MAN1A1: variants seen among roughly 807,000 people sequenced by gnomAD.
MAN1A1 encodes mannosyl-oligosaccharide 1,2-alpha-mannosidase IA.
A neutral mutation model predicts 70.8 loss-of-function variants in MAN1A1; 29 were observed. The ratio of observed to expected loss-of-function variants is 0.41; its 90% confidence interval spans 0.31 to 0.56. The LOEUF (loss-of-function observed/expected upper bound fraction) is 0.56. MAN1A1 is among the 20% of genes least tolerant of loss of function. The pLI, the probability that MAN1A1 is intolerant of heterozygous loss-of-function variation, is 0.29. For missense variants in MAN1A1, 747 were observed against 841.3 expected (o/e 0.89, Z 1.39); for synonymous variants, 349 against 330.1 (o/e 1.06, Z -0.62).
intron 4 of MAN1A1, among the ~76,000 whole-genome samples, chr6:119,296,620 T>C (rs1645793331): frequency 6.6e-6 from 1 of 152,116 alleles, no homozygotes; most frequent in African/African-American, 2.4e-5. Flanking sequence ...GAAGTCAACA[T>C]ATATCCTCCT....
intron 6 of MAN1A1, among the ~76,000 whole-genome samples, chr6:119,218,858 G>A (rs1005095868): frequency 2.0e-5 from 3 of 151,904 alleles, no homozygotes; most frequent in African/African-American, 7.2e-5. Flanking sequence ...GGAATAACTG[G>A]GTAAATAATT....
chr6:119,214,321 C>A (rs1442940347), intron 6 of MAN1A1, among the ~76,000 whole-genome samples: 1 of 152,058 alleles, frequency 6.6e-6, no homozygotes, highest in Non-Finnish European at 1.5e-5. Flanking sequence ...ATGCTCTGAA[C>A]TTCTGGTAGC....
chr6:119,322,280 T>C (rs919530056), intron 2 of MAN1A1, among the ~76,000 whole-genome samples: 56 of 152,310 alleles, frequency 3.7e-4, no homozygotes, highest in African/African-American at 1.3e-3. Flanking sequence ...TTACTAAGTG[T>C]TGTCATTCTG....
chr6:119,300,799 T>G (rs115284389), intron 4 of MAN1A1, among the ~76,000 whole-genome samples: 7,561 of 152,288 alleles, frequency 0.05, 226 homozygotes, highest in South Asian at 0.11. Flanking sequence ...CTTTATATTC[T>G]AGATTCAATT....
chr6:119,195,085 C>G (rs1461844058), intron 8 of MAN1A1, among the ~76,000 whole-genome samples: 1 of 152,132 alleles, frequency 6.6e-6, no homozygotes, highest in Non-Finnish European at 1.5e-5. Flanking sequence ...CCTGCCTCAG[C>G]CTCCCAAAAG....
At chr6:119,342,845 T>C (rs150410269) in intron 2 of MAN1A1, among the ~76,000 whole-genome samples, 106 of 152,326 alleles carry the variant, frequency 7.0e-4, no homozygotes, top group Non-Finnish European at 1.4e-3. Context: ...CTTCTAGTCA[T>C]CACATGTCCC....
At chr6:119,193,442 G>C (rs945649782) in intron 9 of MAN1A1, among the ~76,000 whole-genome samples, 4 of 152,116 alleles carry the variant, frequency 2.6e-5, no homozygotes, top group Admixed American at 6.5e-5. Flanking sequence ...TTTTAACTTA[G>C]GCAATTGTCA....
At chr6:119,201,161 T>C in intron 8 of MAN1A1, 93 bp downstream of exon 8, 2 of 919,824 alleles carry the variant, frequency 2.2e-6, no homozygotes, top group Non-Finnish European at 3.5e-6. Flanking sequence ...TTCTAAACAT[T>C]TCTCAACAAA....
At position 119,278,753 on chromosome 6, in the gene MAN1A1, T is replaced by C. The variant is rs564502855; in HGVS notation, c.897+11930A>G. 7.2e-5 allele frequency among the ~76,000 whole-genome samples: 11 copies of C among 152,240 alleles called. No individual in the cohort carries two copies. In the South Asian group the frequency reaches 1.5e-3, roughly 20 times the overall value. ...TGGCTTGGTGGCGTTCCCTTGGTGATGAATGAGTTCTTGCTCTGCAAGTTC... is the reference window on the plus strand; with the variant it reads ...TGGCTTGGTGGCGTTCCCTTGGTGACGAATGAGTTCTTGCTCTGCAAGTTC... On this transcript the variant is annotated intron_variant, in intron 5 of 12. Coordinates refer to ENST00000368468, the MANE Select transcript of MAN1A1 (RefSeq NM_005907.4).
intron 11 of MAN1A1, among the ~76,000 whole-genome samples, chr6:119,187,171 A>C (rs1019397241): frequency 6.6e-6 from 1 of 152,110 alleles, no homozygotes; most frequent in Middle Eastern, 3.2e-3. Context: ...GTCATAACTT[A>C]ATTGGTAGTG....
intron 5 of MAN1A1, among the ~76,000 whole-genome samples, chr6:119,272,587 T>C (rs1775954319): frequency 6.6e-6 from 1 of 152,178 alleles, no homozygotes; most frequent in African/African-American, 2.4e-5. Context: ...TCTATAGCAA[T>C]AATATATTAA....
At chr6:119,271,784 A>G (rs9489646) in intron 5 of MAN1A1, among the ~76,000 whole-genome samples, 6,280 of 152,158 alleles carry the variant, frequency 0.041, 147 homozygotes, top group African/African-American at 0.054. Context: ...GATTACAGGC[A>G]TGAGCCACCA....
intron 5 of MAN1A1, among the ~76,000 whole-genome samples, chr6:119,252,816 T>C (rs1206596757): frequency 1.3e-5 from 2 of 151,970 alleles, no homozygotes; most frequent in East Asian, 1.9e-4. Flanking sequence ...AAAATAAGTT[T>C]TGCAAAGGAG....
intron 5 of MAN1A1, among the ~76,000 whole-genome samples, chr6:119,262,500 G>A (rs114806203): frequency 1.3e-4 from 19 of 151,696 alleles, no homozygotes; most frequent in Admixed American, 9.8e-4. Context: ...TGGGGTTGTG[G>A]AGAAAAAGGA....
At chr6:119,307,152 C>A (rs1772555103) in intron 2 of MAN1A1, among the ~76,000 whole-genome samples, 160 bp from the exon 3 acceptor site, 1 of 152,154 alleles carries the variant, frequency 6.6e-6, no homozygotes, top group African/African-American at 2.4e-5. Flanking sequence ...AACACACATG[C>A]TCATACAAAC....
chr6:119,198,949 T>G (rs1397644709), intron 8 of MAN1A1, among the ~76,000 whole-genome samples: 2 of 152,240 alleles, frequency 1.3e-5, no homozygotes, highest in Non-Finnish European at 1.5e-5. Flanking sequence ...AATTAGAAAT[T>G]ACATCAATGA....
Position 119,335,859 on chromosome 6 carries a change from C to G in MAN1A1, c.603+12604G>C, listed in dbSNP as rs117542202. Reference sequence around the variant, plus strand: ...CCTGGGAAGTAACAGAGATACAACTCAACAAATAAACTGATGCAGATTTAC... The same window carrying G: ...CCTGGGAAGTAACAGAGATACAACTGAACAAATAAACTGATGCAGATTTAC... On this transcript the variant is annotated intron_variant, in intron 2 of 12. Transcript: ENST00000368468. Among the ~76,000 whole-genome samples, 126 of 152,298 alleles carry G rather than the reference C, an allele frequency of 8.3e-4. 3 individuals are homozygous for G. In the East Asian group the frequency reaches 0.022, roughly 27 times the overall value.
chr6:119,180,322 C>A lies in MAN1A1; in HGVS notation c.1825G>T (p.Glu609Ter). 1 of 1,612,882 alleles carries A rather than the reference C, an allele frequency of 6.2e-7. No homozygotes were observed. Among genetic ancestry groups the A allele is most frequent in the South Asian group, 1.1e-5 (1 of 90,998 alleles). The change falls in exon 12 of 13, where the codon GAG becomes TAG. Residue 609 changes from glutamate (E) to a stop codon, truncating the protein, a stop_gained. Coordinates refer to ENST00000368468, the MANE Select transcript of MAN1A1 (RefSeq NM_005907.4). LOFTEE classifies it high-confidence loss of function. ...ATAATTTTCACCTACTTCAATGTCTCTGCCAGGAAGAAACTCTGCTGCACA... is the reference window on the plus strand; with the variant it reads ...ATAATTTTCACCTACTTCAATGTCTATGCCAGGAAGAAACTCTGCTGCACA... The part of the protein sequence containing the change: ...DDVQQSFFLA[E>*]TLKYLYLIFS...
intron 2 of MAN1A1, among the ~76,000 whole-genome samples, chr6:119,313,919 C>A (rs1211921567): frequency 6.7e-6 from 1 of 148,828 alleles, no homozygotes; most frequent in African/African-American, 2.5e-5. Flanking sequence ...GAGTCAAGCC[C>A]CTCACTAAAG....
Sources: allele counts gnomAD v4.1 joint callset (sites outside exome capture counted in the v4.1 genomes callset), GRCh38; gene constraint gnomAD v4.1.1; transcripts MANE v1.5; gene names NCBI Gene and HGNC (gene_info 2026-07-23, HGNC 2026-07-21).